ITPR1: variants seen among roughly 807,000 people sequenced by gnomAD.
ITPR1 encodes the protein inositol 1,4,5-trisphosphate receptor type 1.
A neutral mutation model predicts 318.4 loss-of-function variants in ITPR1; 96 were observed. The ratio of observed to expected loss-of-function variants is 0.30; its 90% CI spans 0.26 to 0.36. The LOEUF is 0.36. Ranked by LOEUF, ITPR1 falls within the 10% of genes least tolerant of loss-of-function variation. ITPR1 has a pLI of 1.00. For missense variants in ITPR1, 2,440 were observed against 3,460.2 expected (o/e 0.71, Z 7.40); for synonymous variants, 1,312 against 1,289.9 (o/e 1.02, Z -0.37).
intron 4 of ITPR1, among the ~76,000 whole-genome samples, chr3:4,624,347 C>A (rs1307205825): frequency 6.6e-6 from 1 of 152,214 alleles, no homozygotes; most frequent in East Asian, 1.9e-4. Flanking sequence ...GGAAGCCATT[C>A]TGGCCCAACC....
chr3:4,839,931 C>G (rs940590800), intron 61 of ITPR1, among the ~76,000 whole-genome samples: 1 of 150,818 alleles, frequency 6.6e-6, no homozygotes, highest in African/African-American at 2.4e-5. Flanking sequence ...TAAAAAGAAG[C>G]ATGAGAATCC....
intron 2 of ITPR1, among the ~76,000 whole-genome samples, chr3:4,516,174 T>G (rs1487309462): frequency 6.6e-6 from 1 of 152,178 alleles, no homozygotes; most frequent in Non-Finnish European, 1.5e-5. Context: ...AGGCTTTCTA[T>G]TCACTGCAGT....
Position 4,826,482 on chromosome 3 carries a change from G to A in ITPR1, c.8028+8240G>A, listed in dbSNP as rs1403952284. Among the ~76,000 whole-genome samples the A allele has an allele frequency of 1.3e-5, 2 of 152,168 alleles. No individual in the cohort carries two copies. Among genetic ancestry groups the A allele is most frequent in the Non-Finnish European group, 2.9e-5 (2 of 68,018 alleles). Reference sequence around the variant, plus strand: ...ATCGGAGCAGGGAGGAGTGAAGAGGGATTTGGCACTGGCTTCCCGGTGGCT... The same window carrying A: ...ATCGGAGCAGGGAGGAGTGAAGAGGAATTTGGCACTGGCTTCCCGGTGGCT... On this transcript the variant is annotated intron_variant, in intron 60 of 61. Coordinates refer to ENST00000649015, the MANE Select transcript of ITPR1 (RefSeq NM_001378452.1). The surrounding 1 kb of genome is among the most constrained non-coding windows in gnomAD (Gnocchi z 4.2).
chr3:4,765,688 G>A (rs568094872), intron 44 of ITPR1, among the ~76,000 whole-genome samples: 16 of 152,074 alleles, frequency 1.1e-4, no homozygotes, highest in Middle Eastern at 3.4e-3. Flanking sequence ...GGAAATGACC[G>A]TATTGTATTT....
At chr3:4,655,744 C>T (rs1377333112) in intron 12 of ITPR1, among the ~76,000 whole-genome samples, 1 of 152,094 alleles carries the variant, frequency 6.6e-6, no homozygotes, top group Non-Finnish European at 1.5e-5. Context: ...GGCGGATGTG[C>T]CAGCAGCCTT....
chr3:4,722,742 T>C (rs946833790), intron 40 of ITPR1, among the ~76,000 whole-genome samples: 3 of 142,426 alleles, frequency 2.1e-5, no homozygotes, highest in African/African-American at 7.5e-5. Flanking sequence ...GCCCCTTCCA[T>C]GCCTGGCCCA....
chr3:4,754,931 C>G (rs1435720638), intron 44 of ITPR1, among the ~76,000 whole-genome samples: 3 of 152,212 alleles, frequency 2.0e-5, no homozygotes, highest in Non-Finnish European at 4.4e-5. Context: ...AAGAGACAGA[C>G]GGCTGTGCCG....
intron 5 of ITPR1, among the ~76,000 whole-genome samples, chr3:4,631,672 A>G (rs1168553580): frequency 1.3e-5 from 2 of 152,162 alleles, no homozygotes; most frequent in Non-Finnish European, 2.9e-5. Flanking sequence ...TCTTAATTAT[A>G]TTATGAATAA....
chr3:4,619,649 TG>T (rs2092534683), intron 4 of ITPR1, among the ~76,000 whole-genome samples: 1 of 5,466 alleles, frequency 1.8e-4, no homozygotes, highest in African/African-American at 1.7e-3. Flanking sequence ...TGCTCTCCTC[TG>T]CTCTCCCCTG....
intron 4 of ITPR1, among the ~76,000 whole-genome samples, chr3:4,533,770 G>T (rs2083613795): frequency 6.6e-6 from 1 of 152,204 alleles, no homozygotes; most frequent in South Asian, 2.1e-4. Context: ...TATTAGAAAA[G>T]AAGCCATCAG....
chr3:4,773,705 C>T (rs1559872508), intron 46 of ITPR1, among the ~76,000 whole-genome samples: 2 of 152,208 alleles, frequency 1.3e-5, no homozygotes, highest in South Asian at 2.1e-4. Flanking sequence ...GCCAACCCCT[C>T]AAACAGGTAG....
At chr3:4,738,713 T>A (rs554759054) in intron 44 of ITPR1, among the ~76,000 whole-genome samples, 6 of 152,356 alleles carry the variant, frequency 3.9e-5, no homozygotes, top group African/African-American at 1.4e-4. Context: ...TCAAGTTCTT[T>A]ATCTTGTAAG....
At chr3:4,563,459 G>C (rs2086891224) in intron 4 of ITPR1, among the ~76,000 whole-genome samples, 1 of 151,950 alleles carries the variant, frequency 6.6e-6, no homozygotes, top group African/African-American at 2.4e-5. Context: ...CAGTGAGCTG[G>C]GATCATACCA....
At chr3:4,775,130 A>G (rs779957044) in intron 46 of ITPR1, 112 bp from the exon 47 acceptor site, 1 of 802,680 alleles carries the variant, frequency 1.2e-6, no homozygotes. Flanking sequence ...CCCACGTGGC[A>G]TCTCTCTGTA....
chr3:4,666,970 C>T lies in ITPR1; in HGVS notation c.1714-407C>T, dbSNP rs145081693. ...AACAGGGTAACATTGTTCCAGATCT[C>T]CAGGTAGGCTTTATCTGTGTTTATT... On this transcript the variant is annotated intron_variant, in intron 17 of 61. Transcript: ENST00000649015. Among the ~76,000 whole-genome samples the T allele has an allele frequency of 1.7e-3, 255 of 152,302 alleles. 1 individual carries two copies. Among genetic ancestry groups the T allele is most frequent in the Middle Eastern group, 6.8e-3 (2 of 294 alleles).
At chr3:4,542,012 A>G (rs2084505378) in intron 4 of ITPR1, among the ~76,000 whole-genome samples, 1 of 152,044 alleles carries the variant, frequency 6.6e-6, no homozygotes. Context: ...TTTGTTTACT[A>G]TTTCTGTTCT....
chr3:4,617,616 G>C (rs2092435756), intron 4 of ITPR1, among the ~76,000 whole-genome samples: 1 of 152,156 alleles, frequency 6.6e-6, no homozygotes, highest in Non-Finnish European at 1.5e-5. Context: ...ATAAGATCCA[G>C]ATTTTGTTGT....
chr3:4,675,186 C>G lies in ITPR1; in HGVS notation c.2717C>G (p.Pro906Arg), dbSNP rs755307397. ...TGTGTACATGTGACAACAATCTTCC[C>G]CATTAGCAAGATGGCGAAAGGAGAA... Reference protein sequence around the residue: ...LDCVHVTTIFPISKMAKGEEN... With the variant: ...LDCVHVTTIFRISKMAKGEEN... The change falls in exon 23 of 62, where the codon CCC (proline) becomes CGC (arginine). Residue 906 changes from proline (P) to arginine (R), a missense_variant. Transcript: ENST00000649015. The G allele has an allele frequency of 6.2e-7, 1 of 1,612,194 alleles. No individual in the cohort carries two copies. The highest frequency in any genetic ancestry group is 8.5e-7 in the Non-Finnish European group (1 of 1,179,004).
At chr3:4,650,604 T>TGTGTGTGTG (rs1411415069) in intron 10 of ITPR1, among the ~76,000 whole-genome samples, 1 of 78,412 alleles carries the variant, frequency 1.3e-5, no homozygotes, top group African/African-American at 4.8e-5. Context: ...ATGATATGCC[T>TGTGTGTGTG]TAGTGTGTGT....
Sources: allele counts gnomAD v4.1 joint callset (sites outside exome capture counted in the v4.1 genomes callset), GRCh38; gene constraint gnomAD v4.1.1; non-coding constraint Gnocchi (gnomAD v3.1); transcripts MANE v1.5; gene names NCBI Gene and HGNC (gene_info 2026-07-23, HGNC 2026-07-21).